Variants in UNC13B observed in about 807,000 individuals in gnomAD.
The protein encoded by UNC13B is protein unc-13 homolog B.
UNC13B carries 144 observed loss-of-function variants against 211.0 expected under a neutral mutation model. That is an observed-to-expected ratio of 0.68 (90% CI 0.60 to 0.78). The LOEUF (loss-of-function observed/expected upper bound fraction) is 0.78, where lower values mean the gene tolerates loss of function less well. UNC13B is among the 30% of genes least tolerant of loss of function. The probability of loss-of-function intolerance (pLI) is 0.00; values close to 1 mark genes in which losing one functional copy is unlikely to be tolerated. For synonymous variants in UNC13B, 709 were observed against 725.8 expected (o/e 0.98, Z 0.37); for missense variants, 1,777 against 2,002.0 (o/e 0.89, Z 2.14).
intron 7 of UNC13B, among the ~76,000 whole-genome samples, chr9:35,281,758 A>G (rs1285816146): frequency 1.3e-5 from 2 of 152,190 alleles, no homozygotes; most frequent in Non-Finnish European, 2.9e-5. Context: ...ATTCATTTCT[A>G]CCTCTCCCCA....
chr9:35,389,789 C>A, intron 24 of UNC13B, 57 bp from the exon 25 acceptor site: 1 of 1,593,426 alleles, frequency 6.3e-7, no homozygotes, highest in South Asian at 1.1e-5. Context: ...TGGAGACACC[C>A]TCTACATTCT....
At chr9:35,295,060 A>G (rs1005382463) in intron 7 of UNC13B, among the ~76,000 whole-genome samples, 2 of 152,138 alleles carry the variant, frequency 1.3e-5, no homozygotes, top group Non-Finnish European at 2.9e-5. Flanking sequence ...GGTGCTTGAC[A>G]GGAATTGTTA....
intron 2 of UNC13B, among the ~76,000 whole-genome samples, chr9:35,229,550 GT>G (rs1825078940): frequency 1.3e-5 from 2 of 152,018 alleles, no homozygotes; most frequent in Admixed American, 1.3e-4. Flanking sequence ...AGGGAATCAG[GT>G]TTGTTTCAGC....
intron 25 of UNC13B, 137 bp from the exon 26 acceptor site, chr9:35,390,492 G>T: frequency 2.1e-6 from 2 of 959,432 alleles, no homozygotes; most frequent in South Asian, 3.0e-5. Flanking sequence ...CTTTTCTCCA[G>T]ATTGGACCTA....
At chr9:35,187,119 T>A (rs1004562830) in intron 1 of UNC13B, among the ~76,000 whole-genome samples, 1 of 152,212 alleles carries the variant, frequency 6.6e-6, no homozygotes, top group African/African-American at 2.4e-5. Flanking sequence ...CTGCAAATAG[T>A]AAAGTGAGTA....
intron 1 of UNC13B, among the ~76,000 whole-genome samples, chr9:35,217,315 T>G (rs1231514643): frequency 6.6e-6 from 1 of 152,184 alleles, no homozygotes; most frequent in African/African-American, 2.4e-5. Context: ...TACTCAAAAT[T>G]GATTTATTAA....
At chr9:35,215,415 A>G (rs1228281969) in intron 1 of UNC13B, among the ~76,000 whole-genome samples, 1 of 152,204 alleles carries the variant, frequency 6.6e-6, no homozygotes, top group East Asian at 1.9e-4. Flanking sequence ...ACAAACCAAA[A>G]ATAAATAAAT....
At chr9:35,340,508 C>A (rs968403714) in intron 11 of UNC13B, among the ~76,000 whole-genome samples, 6 of 152,100 alleles carry the variant, frequency 3.9e-5, no homozygotes, top group Non-Finnish European at 5.9e-5. Context: ...ATGGCAGATC[C>A]TAGGATGGTC....
chr9:35,363,090 C>T (rs369953929), intron 11 of UNC13B, among the ~76,000 whole-genome samples: 45 of 152,216 alleles, frequency 3.0e-4, no homozygotes, highest in African/African-American at 7.2e-4. Context: ...GAGTATGTGA[C>T]GTCTTTGTGA....
intron 7 of UNC13B, among the ~76,000 whole-genome samples, chr9:35,268,018 T>C (rs1827669472): frequency 6.6e-6 from 1 of 152,158 alleles, no homozygotes; most frequent in South Asian, 2.1e-4. Context: ...CAGCTCTGCC[T>C]CCTCTGTTCT....
At chr9:35,368,047 T>G (rs758389746) in intron 12 of UNC13B, among the ~76,000 whole-genome samples, 3 of 152,196 alleles carry the variant, frequency 2.0e-5, no homozygotes, top group Non-Finnish European at 4.4e-5. Context: ...TTGCAATTTG[T>G]CATCTTTAAA....
Position 35,378,428 on chromosome 9 carries a change from G to T in UNC13B, c.10197G>T (p.Lys3399Asn). 1.2e-6 allele frequency: 2 copies of T among 1,614,156 alleles called. No individual in the cohort carries two copies. The highest frequency in any genetic ancestry group is 1.7e-6 in the Non-Finnish European group (2 of 1,180,004). The part of the protein sequence containing the change: ...FGNLNPVWEE[K>N]FHFECHNSSD... The stretch of plus-strand genomic sequence containing the variant: ...ACTTGAATCCTGTTTGGGAGGAGAA[G>T]TTCCATTTGTAAGTCACAGAGAGCT... The change falls in exon 17 of 40, where the codon AAG becomes AAT. Residue 3399 changes from lysine to asparagine, a missense_variant. Physicochemically the swap from Lys to Asn is moderately conservative, Grantham distance 94. Coordinates refer to ENST00000635942, the MANE Select transcript of UNC13B (RefSeq NM_001371189.2).
chr9:35,302,419 A>T lies in UNC13B; in HGVS notation c.3015A>T (p.Lys1005Asn). 2.5e-6 allele frequency: 1 copy of T among 398,670 alleles called. No individual in the cohort carries two copies. The highest frequency in any genetic ancestry group is 4.4e-6 in the Non-Finnish European group (1 of 225,782). 24.7% of individuals were successfully genotyped at this position (398,670 alleles called of 1,614,324 possible). A position where few individuals can be genotyped will look rare whatever the true frequency, so the allele number is the denominator to read the frequency against. The change falls in exon 9 of 40, where the codon AAA becomes AAT. Residue 1005 changes from lysine (K) to asparagine (N), a missense_variant. Transcript: ENST00000635942. ...CPEDAKLSSI[K>N]SGSAPNTQDN... ...AAGATGCCAAACTTAGTTCAATAAAATCTGGTTCAGCTCCAAATACTCAGG... is the reference window on the plus strand; with the variant it reads ...AAGATGCCAAACTTAGTTCAATAAATTCTGGTTCAGCTCCAAATACTCAGG...
chr9:35,295,251 A>C (rs1829294064), intron 7 of UNC13B, among the ~76,000 whole-genome samples: 1 of 152,222 alleles, frequency 6.6e-6, no homozygotes, highest in Non-Finnish European at 1.5e-5. Flanking sequence ...CACCAAGACA[A>C]CGTTAAATAA....
At chr9:35,378,573 G>A (rs1336555942) in intron 17 of UNC13B, 137 bp downstream of exon 17, 3 of 1,144,750 alleles carry the variant, frequency 2.6e-6, no homozygotes, top group East Asian at 4.7e-5. Flanking sequence ...GCTTCGTTCA[G>A]ACATCAGCCA....
intron 21 of UNC13B, among the ~76,000 whole-genome samples, chr9:35,383,988 C>A (rs1426377912): frequency 6.6e-6 from 1 of 152,200 alleles, no homozygotes; most frequent in Admixed American, 6.5e-5. Context: ...ATTTCTCCCC[C>A]CAGGGACTTG....
chr9:35,398,326 T>A (rs775429500), intron 31 of UNC13B, 38 bp downstream of exon 31: 5 of 1,596,604 alleles, frequency 3.1e-6, no homozygotes, highest in Non-Finnish European at 4.3e-6. Context: ...TATTTTCCCT[T>A]TATTCCTGAG....
At chr9:35,326,004 G>A (rs1830985120) in intron 11 of UNC13B, among the ~76,000 whole-genome samples, 1 of 152,208 alleles carries the variant, frequency 6.6e-6, no homozygotes, top group African/African-American at 2.4e-5. Context: ...GAATGGAACC[G>A]CTAGGTCATA....
At chr9:35,181,517 T>C (rs1260614531) in intron 1 of UNC13B, among the ~76,000 whole-genome samples, 1 of 152,198 alleles carries the variant, frequency 6.6e-6, no homozygotes. Flanking sequence ...CCACCATTCC[T>C]GGCCTGGACA....
Sources: allele counts gnomAD v4.1 joint callset (sites outside exome capture counted in the v4.1 genomes callset), GRCh38; gene constraint gnomAD v4.1.1; transcripts MANE v1.5; gene names NCBI Gene and HGNC (gene_info 2026-07-23, HGNC 2026-07-21).